The following ITPRID1 variants were observed in gnomAD, a reference collection of about 807,000 sequenced individuals.
The protein encoded by ITPRID1 is ITPR interacting domain containing 1.
A neutral mutation model predicts 95.4 loss-of-function variants in ITPRID1; 96 were observed. That is an observed-to-expected ratio of 1.01 (90% confidence interval 0.85 to 1.19). ITPRID1 has a LOEUF of 1.19. Among genes scored for constraint, ITPRID1 ranks in the 50% most tolerant of loss-of-function variants. The probability of loss-of-function intolerance (pLI) is 0.00; values close to 1 mark genes in which losing one functional copy is unlikely to be tolerated. For missense variants in ITPRID1, 1,339 were observed against 1,252.9 expected (o/e 1.07, Z -1.04); for synonymous variants, 510 against 453.6 (o/e 1.12, Z -1.58).
intron 14 of ITPRID1, 131 bp from the exon 15 acceptor site, chr7:31,652,387 T>C (rs1791039813): frequency 7.4e-7 from 1 of 1,357,134 alleles, no homozygotes; most frequent in African/African-American, 1.5e-5. Context: ...ACTATCAGAA[T>C]CTGCTGCTGG....
intron 1 of ITPRID1, among the ~76,000 whole-genome samples, chr7:31,548,941 A>G (rs1017997532): frequency 6.6e-6 from 1 of 152,150 alleles, no homozygotes; most frequent in Non-Finnish European, 1.5e-5. Flanking sequence ...TGGGGAAGTC[A>G]CCATATGAAG....
intron 1 of ITPRID1, among the ~76,000 whole-genome samples, chr7:31,548,346 C>T (rs980369896): frequency 1.3e-4 from 20 of 152,066 alleles, no homozygotes; most frequent in Admixed American, 1.2e-3. Flanking sequence ...ACTACATAGT[C>T]TGATGGCATA....
At chr7:31,611,554 A>G (rs956318128) in intron 10 of ITPRID1, among the ~76,000 whole-genome samples, 2 of 151,828 alleles carry the variant, frequency 1.3e-5, no homozygotes, top group Admixed American at 1.3e-4. Context: ...TTATCTGAGA[A>G]TGTCTTAAAT....
chr7:31,604,240 C>T lies in ITPRID1; in HGVS notation c.1228+21049C>T, dbSNP rs1487789477. On this transcript the variant is annotated intron_variant, in intron 10 of 14. Coordinates refer to ENST00000615280, the MANE Select transcript of ITPRID1 (RefSeq NM_001257967.3). Reference sequence around the variant, plus strand: ...TTACATTCTTAATTCATCCTTAAAACCACCATGGGAGCAAGTGGATTTTAC... The same window carrying T: ...TTACATTCTTAATTCATCCTTAAAATCACCATGGGAGCAAGTGGATTTTAC... Among the ~76,000 whole-genome samples, 5 of 152,138 alleles carry T rather than the reference C, an allele frequency of 3.3e-5. No homozygotes were observed. The South Asian group carries it at 8.3e-4, about 25-fold the overall frequency.
chr7:31,526,415 T>C (rs1410612937), intron 1 of ITPRID1, among the ~76,000 whole-genome samples: 1 of 152,122 alleles, frequency 6.6e-6, no homozygotes, highest in South Asian at 2.1e-4. Context: ...AGACTAGTTG[T>C]AGGGGAAAAA....
intron 5 of ITPRID1, among the ~76,000 whole-genome samples, chr7:31,564,659 T>G (rs1234096867): frequency 1.3e-5 from 2 of 151,450 alleles, no homozygotes; most frequent in African/African-American, 4.9e-5. Flanking sequence ...GTAGCAGGAG[T>G]AGTTTGTCTG....
chr7:31,619,566 A>C (rs1787603269), intron 10 of ITPRID1, among the ~76,000 whole-genome samples: 1 of 152,130 alleles, frequency 6.6e-6, no homozygotes, highest in African/African-American at 2.4e-5. Context: ...ATGCTGAGGA[A>C]ATCAATGGTC....
intron 10 of ITPRID1, among the ~76,000 whole-genome samples, chr7:31,593,571 A>G (rs1360663543): frequency 6.6e-6 from 1 of 152,200 alleles, no homozygotes; most frequent in Non-Finnish European, 1.5e-5. Flanking sequence ...TAAATAATAC[A>G]GAGTGACAGT....
intron 10 of ITPRID1, among the ~76,000 whole-genome samples, chr7:31,617,609 A>G (rs1393669523): frequency 6.6e-6 from 1 of 150,806 alleles, no homozygotes. Context: ...CTCTTTAGAG[A>G]CAACTTTTAC....
intron 5 of ITPRID1, among the ~76,000 whole-genome samples, chr7:31,558,448 T>A (rs28698618): frequency 0.14 from 20,877 of 152,172 alleles, 1,848 homozygotes; most frequent in Non-Finnish European, 0.19. Flanking sequence ...CCTCTGGAGT[T>A]CAATTCTTTT....
At chr7:31,632,929 C>A (rs1789148379) in intron 10 of ITPRID1, among the ~76,000 whole-genome samples, 1 of 151,834 alleles carries the variant, frequency 6.6e-6, no homozygotes, top group Admixed American at 6.6e-5. Flanking sequence ...ACTCTGTCGC[C>A]AGGCTGGAGT....
At chr7:31,599,088 T>C (rs1256727302) in intron 10 of ITPRID1, among the ~76,000 whole-genome samples, 1 of 152,166 alleles carries the variant, frequency 6.6e-6, no homozygotes, top group Non-Finnish European at 1.5e-5. Flanking sequence ...TCTTCACATA[T>C]ATGCAGAAGA....
intron 10 of ITPRID1, among the ~76,000 whole-genome samples, chr7:31,636,100 G>C (rs1789458780): frequency 6.6e-6 from 1 of 152,086 alleles, no homozygotes; most frequent in Non-Finnish European, 1.5e-5. Flanking sequence ...AAAACCATCA[G>C]ATCTCATGAG....
At chr7:31,595,492 C>A (rs1786050158) in intron 10 of ITPRID1, among the ~76,000 whole-genome samples, 1 of 152,126 alleles carries the variant, frequency 6.6e-6, no homozygotes. Flanking sequence ...AAACCCAGTA[C>A]TTGGGGGCTG....
chr7:31,641,753 T>C (rs970826030), intron 10 of ITPRID1, among the ~76,000 whole-genome samples: 6 of 152,156 alleles, frequency 3.9e-5, no homozygotes, highest in African/African-American at 1.4e-4. Context: ...AGGGTACTTA[T>C]CCAAACTTTA....
rs1160900119 is a variant in ITPRID1, at chr7:31,599,688, CTCTCTT to C, written c.1228+16501_1228+16506del. 5.1e-4 allele frequency among the ~76,000 whole-genome samples: 74 copies of C among 144,850 alleles called. 1 individual carries two copies. The highest frequency in any genetic ancestry group is 3.4e-3 in the Middle Eastern group (1 of 290). ...TCTCTCTCTCTCTCTCTCTCTCTCT[CTCTCTT>C]TCTTTCTTTCTTTCTTTCTCTTTTT... On this transcript the variant is annotated intron_variant, in intron 10 of 14. Transcript: ENST00000615280.
At chr7:31,544,071 G>A (rs1158968900) in intron 1 of ITPRID1, among the ~76,000 whole-genome samples, 1 of 151,824 alleles carries the variant, frequency 6.6e-6, no homozygotes, top group Non-Finnish European at 1.5e-5. Flanking sequence ...GTCTATTTCT[G>A]GGCTCTCTAT....
intron 1 of ITPRID1, among the ~76,000 whole-genome samples, chr7:31,540,980 C>T (rs1162138153): frequency 1.3e-5 from 2 of 152,140 alleles, no homozygotes; most frequent in African/African-American, 4.8e-5. Flanking sequence ...CCAGTTTTTC[C>T]AGTTGTGCCC....
chr7:31,615,337 C>A (rs1436148677), intron 10 of ITPRID1, among the ~76,000 whole-genome samples: 2 of 152,086 alleles, frequency 1.3e-5, no homozygotes, highest in Non-Finnish European at 2.9e-5. Context: ...GGCCCTCATA[C>A]CTCAATGTTC....
Sources: allele counts gnomAD v4.1 joint callset (sites outside exome capture counted in the v4.1 genomes callset), GRCh38; gene constraint gnomAD v4.1.1; transcripts MANE v1.5; gene names NCBI Gene and HGNC (gene_info 2026-07-23, HGNC 2026-07-21).